CFAP46: variants seen among roughly 807,000 people sequenced by gnomAD.
CFAP46 encodes cilia and flagella associated protein 46, also known as cilia- and flagella-associated protein 46.
A neutral mutation model predicts 325.7 loss-of-function variants in CFAP46; 245 were observed. That is an observed-to-expected ratio of 0.75 (90% CI 0.68 to 0.84). The LOEUF (loss-of-function observed/expected upper bound fraction) is 0.84. Among genes scored for constraint, CFAP46 ranks in the 40% least tolerant of loss-of-function variants. CFAP46 has a pLI of 0.00. For missense variants in CFAP46, 3,346 were observed against 3,543.0 expected (o/e 0.94, Z 1.41); for synonymous variants, 1,523 against 1,495.9 (o/e 1.02, Z -0.42).
At chr10:132,900,745 C>T (rs1849382107) in intron 22 of CFAP46, among the ~76,000 whole-genome samples, 1 of 152,248 alleles carries the variant, frequency 6.6e-6, no homozygotes, top group Non-Finnish European at 1.5e-5. Context: ...ACATTTTGAT[C>T]TGGGTTATGC....
chr10:132,941,503 G>A (rs553732901), intron 3 of CFAP46, 88 bp downstream of exon 3: 13 of 1,502,668 alleles, frequency 8.7e-6, no homozygotes, highest in Middle Eastern at 1.8e-4. Flanking sequence ...CCCTAAGAAC[G>A]ATTTTAAGCC....
chr10:132,842,057 C>A (rs1474005158), intron 44 of CFAP46, among the ~76,000 whole-genome samples: 1 of 152,224 alleles, frequency 6.6e-6, no homozygotes, highest in South Asian at 2.1e-4. Flanking sequence ...TCACTCTTTA[C>A]GTGGCCAGGC....
At chr10:132,859,362 C>T (rs1564781676) in intron 37 of CFAP46, 115 bp from the exon 38 acceptor site, 1 of 827,452 alleles carries the variant, frequency 1.2e-6, no homozygotes, top group South Asian at 1.8e-5. Flanking sequence ...CGGAGAAACG[C>T]TTTCGGAGCA....
At chr10:132,938,293 A>C (rs972664129) in intron 5 of CFAP46, among the ~76,000 whole-genome samples, 2 of 152,214 alleles carry the variant, frequency 1.3e-5, no homozygotes, top group African/African-American at 4.8e-5. Flanking sequence ...AAGATTGTAA[A>C]ACCGTGAGCC....
At chr10:132,913,409 AGTCGCCCCGCCGCT>A (rs1849585604) in intron 17 of CFAP46, among the ~76,000 whole-genome samples, 151 bp from the exon 18 acceptor site, 1 of 152,112 alleles carries the variant, frequency 6.6e-6, no homozygotes, top group African/African-American at 2.4e-5. Context: ...CTGCATTTAC[AGTCGCCCCGCCGCT>A]GGCACTCCCA....
chr10:132,822,148 A>T (rs1453275960), intron 50 of CFAP46, among the ~76,000 whole-genome samples: 3 of 91,624 alleles, frequency 3.3e-5, no homozygotes, highest in African/African-American at 1.4e-4. Context: ...GTGTGTGCTG[A>T]TGTGTGCTGT....
At chr10:132,820,713 C>T (rs867022885) in intron 50 of CFAP46, among the ~76,000 whole-genome samples, 51 of 42,114 alleles carry the variant, frequency 1.2e-3, no homozygotes, top group East Asian at 2.3e-3. Flanking sequence ...GCTGTGTGTG[C>T]GCTGATGTGT....
chr10:132,851,551 GCT>G (rs1848545783), intron 39 of CFAP46, among the ~76,000 whole-genome samples: 1 of 152,178 alleles, frequency 6.6e-6, no homozygotes, highest in African/African-American at 2.4e-5. Flanking sequence ...CGGTCACCTA[GCT>G]GCCTGCCGGC....
At chr10:132,940,002 G>A (rs1181315989) in intron 4 of CFAP46, among the ~76,000 whole-genome samples, 7 of 152,158 alleles carry the variant, frequency 4.6e-5, no homozygotes, top group Non-Finnish European at 8.8e-5. Context: ...GCCCCTGAGG[G>A]CCCTGGAGCA....
chr10:132,922,163 C>T lies in CFAP46; in HGVS notation c.1547G>A (p.Gly516Asp), dbSNP rs1227566759. 1 of 1,550,452 alleles carries T rather than the reference C, an allele frequency of 6.4e-7. No individual in the cohort carries two copies. The highest frequency in any genetic ancestry group is 1.4e-5 in the African/African-American group (1 of 73,196). Reference sequence around the variant, plus strand: ...AAACGCGTCAGGGGCTAAGGCCAGGCCTGCATTCACCAGGAGGGCCCGCTT... The same window carrying T: ...AAACGCGTCAGGGGCTAAGGCCAGGTCTGCATTCACCAGGAGGGCCCGCTT... ...RKKRALLVNA[G>D]LALAPDAFQI... Residue 516 changes from glycine (G) to aspartate (D), a missense_variant, in exon 13 of 58, where the codon GGC (glycine) becomes GAC (aspartate). Physicochemically the swap from Gly to Asp is moderately conservative, Grantham distance 94 (BLOSUM62 -1). Coordinates refer to ENST00000368586, the MANE Select transcript of CFAP46 (RefSeq NM_001200049.3).
chr10:132,889,240 TCA>T lies in CFAP46; in HGVS notation c.3304+3091_3304+3092del, dbSNP rs1849222636. Reference sequence around the variant, plus strand: ...AGCACCTGGACCACCGAGGCTTACGTCACAGAGTGTGGAGACTTCTTTCCCTT... The same window carrying T: ...AGCACCTGGACCACCGAGGCTTACGTCAGAGTGTGGAGACTTCTTTCCCTT... On this transcript the variant is annotated intron_variant, in intron 25 of 57. Coordinates refer to ENST00000368586, the MANE Select transcript of CFAP46 (RefSeq NM_001200049.3). This position sits in a 1 kb window ranked among gnomAD's most constrained non-coding sequence, Gnocchi z 6.0. 6.6e-6 allele frequency among the ~76,000 whole-genome samples: 1 copy of T among 152,102 alleles called. No homozygotes were observed. The highest frequency in any genetic ancestry group is 1.5e-5 in the Non-Finnish European group (1 of 68,010).
chr10:132,937,335 G>T, intron 6 of CFAP46: 2 of 581,236 alleles, frequency 3.4e-6, no homozygotes, highest in Non-Finnish European at 5.8e-6. Flanking sequence ...AAAGGCAAAA[G>T]ACCCTGTTTT....
rs748898885 is a variant in CFAP46 at position 132,811,041 on chromosome 10, C to T, written c.7502-10G>A. 48 of 1,577,454 alleles carry T rather than the reference C, an allele frequency of 3.0e-5. No individual in the cohort carries two copies. The highest frequency in any genetic ancestry group is 1.7e-4 in the Middle Eastern group (1 of 6,048). On this transcript the variant is annotated splice_polypyrimidine_tract_variant and intron_variant, in intron 55 of 57. Coordinates refer to ENST00000368586, the MANE Select transcript of CFAP46 (RefSeq NM_001200049.3). The stretch of plus-strand genomic sequence containing the variant: ...ACTGCCACCTGGCACTCTGCCGGGA[C>T]GGGAAGGGCAGCTCAGCAGCCTTGG...
At position 132,916,554 on chromosome 10, in the gene CFAP46, T is replaced by G. The variant is rs1164498355; in HGVS notation, c.2115A>C (p.Thr705=). Residue 705 remains threonine, a synonymous_variant, in exon 17 of 58, where the codon ACA becomes ACC. Transcript: ENST00000368586. The stretch of plus-strand genomic sequence containing the variant: ...CCACTGTCGCCTCTGCCCACCTGTA[T>G]GTGATCCACTCAGCATTCACCTCCG... ...EPPEVNAEWI[T]YRTWIESLSR... 1.9e-6 allele frequency: 3 copies of G among 1,547,716 alleles called. No individual in the cohort carries two copies. The highest frequency in any genetic ancestry group is 1.7e-6 in the Non-Finnish European group (2 of 1,145,754).
chr10:132,824,030 G>A (rs1230649036), intron 50 of CFAP46, among the ~76,000 whole-genome samples: 1 of 117,102 alleles, frequency 8.5e-6, no homozygotes, highest in African/African-American at 3.5e-5. Flanking sequence ...CTGTGTGAGT[G>A]CTGATGTGTG....
At chr10:132,895,328 A>T (rs999445129) in intron 24 of CFAP46, among the ~76,000 whole-genome samples, 3 of 152,254 alleles carry the variant, frequency 2.0e-5, no homozygotes, top group African/African-American at 7.2e-5. Context: ...AAGGGTCCTT[A>T]TGGAAAGACC....
At chr10:132,882,467 C>T (rs112910940) in intron 27 of CFAP46, among the ~76,000 whole-genome samples, 7,357 of 151,486 alleles carry the variant, frequency 0.049, 261 homozygotes, top group Non-Finnish European at 0.068. Context: ...GTCCAGCCAC[C>T]GGAGGATGGA....
intron 34 of CFAP46, among the ~76,000 whole-genome samples, chr10:132,866,719 T>C (rs1564784470): frequency 1.3e-5 from 2 of 152,182 alleles, no homozygotes; most frequent in African/African-American, 4.8e-5. Context: ...CCAGGTCCTG[T>C]GCTGAGCCCC....
intron 22 of CFAP46, among the ~76,000 whole-genome samples, chr10:132,899,931 C>A (rs1849371426): frequency 6.6e-6 from 1 of 152,188 alleles, no homozygotes; most frequent in Admixed American, 6.5e-5. Context: ...GTGCCGGAGA[C>A]AGCCGCCCTG....
Sources: gnomAD v4.1 joint callset for allele counts (sites outside exome capture counted in the v4.1 genomes callset) on GRCh38, gnomAD v4.1.1 for gene constraint, Gnocchi (gnomAD v3.1) non-coding constraint, MANE v1.5 for transcripts, NCBI Gene and HGNC (gene_info 2026-07-23, HGNC 2026-07-21) for gene names.